Variants in AREL1 observed in about 807,000 individuals in gnomAD.
AREL1 encodes the protein apoptosis resistant E3 ubiquitin protein ligase 1.
Under a neutral mutation model 99.0 loss-of-function variants are expected in AREL1, and 62 were observed. The ratio of observed to expected loss-of-function variants is 0.63; its 90% confidence interval spans 0.51 to 0.77. The LOEUF (loss-of-function observed/expected upper bound fraction) is 0.77, where lower values mean the gene tolerates loss of function less well. AREL1 is among the 30% of genes least tolerant of loss of function. The pLI is 0.00. For missense variants in AREL1, 879 were observed against 1,027.6 expected, an observed-to-expected ratio of 0.86 and a Z score of 1.98; for synonymous variants, 380 against 376.5, an observed-to-expected ratio of 1.01 and a Z score of -0.11.
At chr14:74,703,679 T>C (rs1429170687) in intron 1 of AREL1, among the ~76,000 whole-genome samples, 2 of 152,238 alleles carry the variant, frequency 1.3e-5, no homozygotes, top group African/African-American at 4.8e-5. Context: ...TTCACTCCTT[T>C]TTCCTGCAGA....
chr14:74,700,263 T>G (rs973573958), intron 1 of AREL1, among the ~76,000 whole-genome samples: 1 of 152,230 alleles, frequency 6.6e-6, no homozygotes, highest in Non-Finnish European at 1.5e-5. Context: ...GAAAGCATAC[T>G]TTATCCATAT....
chr14:74,676,395 G>T (rs952537624), intron 6 of AREL1, 74 bp from the exon 7 acceptor site: 4 of 1,526,060 alleles, frequency 2.6e-6, no homozygotes, highest in African/African-American at 2.8e-5. Context: ...TCCTTACAAA[G>T]AGCTTTCCTA....
At position 74,663,887 on chromosome 14, in the gene AREL1, G is replaced by A. The variant is rs769643137; in HGVS notation, c.2369+12C>T. On this transcript the variant is annotated intron_variant, in intron 19 of 19. Coordinates refer to ENST00000356357, the MANE Select transcript of AREL1 (RefSeq NM_001039479.2). Reference sequence around the variant, plus strand: ...AAAACACTGGGCATGCATCAGGCGGGCAGATACCTACCATGTGTGTGCAGT... The same window carrying A: ...AAAACACTGGGCATGCATCAGGCGGACAGATACCTACCATGTGTGTGCAGT... The A allele has an allele frequency of 2.5e-6, 4 of 1,614,196 alleles. No homozygotes were observed. The highest frequency in any genetic ancestry group is 3.4e-6 in the Non-Finnish European group (4 of 1,180,030).
chr14:74,711,332 G>A (rs1594775531), intron 1 of AREL1, among the ~76,000 whole-genome samples: 1 of 151,786 alleles, frequency 6.6e-6, no homozygotes, highest in African/African-American at 2.4e-5. Flanking sequence ...CTGAGGTCAG[G>A]AGTTTGAGAC....
chr14:74,694,116 C>A (rs1205564170), intron 1 of AREL1, among the ~76,000 whole-genome samples: 1 of 152,018 alleles, frequency 6.6e-6, no homozygotes, highest in Non-Finnish European at 1.5e-5. Flanking sequence ...CAGACGTTGA[C>A]GTGAGCCGAG....
intron 1 of AREL1, among the ~76,000 whole-genome samples, chr14:74,711,421 C>CA (rs1289886255): frequency 7.3e-6 from 1 of 137,520 alleles, no homozygotes; most frequent in Non-Finnish European, 1.6e-5. Flanking sequence ...CACATGCCTG[C>CA]AGTCCCAGCT....
chr14:74,700,065 C>T (rs1216617364), intron 1 of AREL1, among the ~76,000 whole-genome samples: 1 of 152,228 alleles, frequency 6.6e-6, no homozygotes, highest in Non-Finnish European at 1.5e-5. Flanking sequence ...GAAGGACTCA[C>T]TGGTTTTCCA....
At chr14:74,711,278 G>A (rs1283744860) in intron 1 of AREL1, among the ~76,000 whole-genome samples, 1 of 148,696 alleles carries the variant, frequency 6.7e-6, no homozygotes, top group African/African-American at 2.5e-5. Flanking sequence ...AGTGGCTCAC[G>A]TCTGTAATCC....
Position 74,663,529 on chromosome 14 carries a change from T to C in AREL1, c.*191A>G, listed in dbSNP as rs2089133208. On this transcript the variant is annotated 3_prime_UTR_variant, in exon 20 of 20. Coordinates refer to ENST00000356357, the MANE Select transcript of AREL1 (RefSeq NM_001039479.2). ...TTACATACCATGCCAAAGTGGCCTG[T>C]GGTAGATATGGGCAGGGAGCAGGTG... 6.4e-6 allele frequency: 4 copies of C among 623,130 alleles called. No individual in the cohort carries two copies. Among genetic ancestry groups the C allele is most frequent in the African/African-American group, 3.6e-5 (2 of 54,890 alleles). The allele number at this position is 623,130 out of a possible 1,614,324, so 38.6% of individuals were successfully genotyped here.
Position 74,675,769 on chromosome 14 carries a change from G to A in AREL1, c.1010C>T (p.Ser337Leu), listed in dbSNP as rs200841641. ...STAVDEEDEDSPSECHTPEKV... is the reference protein window; with the variant it reads ...STAVDEEDEDLPSECHTPEKV... ...CTCAGGGGTGTGGCACTCAGAGGGC[G>A]AGTCTTCATCTTCCTCGTCAACAGC... Residue 337 changes from serine to leucine, a missense_variant, in exon 8 of 20, where the codon TCG becomes TTG. By Grantham distance (145) the Ser-to-Leu change is moderately radical. Transcript: ENST00000356357. 2.9e-5 allele frequency: 47 copies of A among 1,614,132 alleles called. No homozygotes were observed. The highest frequency in any genetic ancestry group is 4.0e-5 in the Non-Finnish European group (47 of 1,180,028).
At chr14:74,664,448 CTTTTTTT>C (rs56728679) in intron 18 of AREL1, among the ~76,000 whole-genome samples, 6 of 76,900 alleles carry the variant, frequency 7.8e-5, no homozygotes, top group African/African-American at 9.8e-5. Context: ...CTTTTCCTTT[CTTTTTTT>C]TTTTTTTTTT....
chr14:74,696,177 G>GT (rs1235832142), intron 1 of AREL1, among the ~76,000 whole-genome samples: 2 of 152,152 alleles, frequency 1.3e-5, no homozygotes, highest in African/African-American at 4.8e-5. Flanking sequence ...AATTCCAGGT[G>GT]TAGAGGTCTT....
chr14:74,704,976 TC>T (rs765608575), intron 1 of AREL1, among the ~76,000 whole-genome samples: 5 of 152,152 alleles, frequency 3.3e-5, no homozygotes, highest in Non-Finnish European at 7.4e-5. Context: ...TAAGTTTTAT[TC>T]CCCTTGTTTC....
intron 2 of AREL1, chr14:74,690,983 T>G (rs979691536): frequency 6.6e-6 from 1 of 151,726 alleles, no homozygotes; most frequent in Non-Finnish European, 1.5e-5. Context: ...TTGCTGAACA[T>G]CTCACATTGG....
intron 8 of AREL1, 75 bp from the exon 9 acceptor site, chr14:74,674,186 T>C (rs984171088): frequency 3.4e-5 from 40 of 1,192,166 alleles, no homozygotes; most frequent in Non-Finnish European, 4.8e-5. Flanking sequence ...AATTCAAATA[T>C]CATAGTCCCT....
intron 2 of AREL1, among the ~76,000 whole-genome samples, chr14:74,690,904 G>A (rs985587718): frequency 2.6e-5 from 4 of 151,858 alleles, no homozygotes; most frequent in Non-Finnish European, 4.4e-5. Flanking sequence ...CTGTCACCAC[G>A]ACAACTTGGT....
At chr14:74,668,754 TTTTAAC>T (rs2089263701) in intron 15 of AREL1, among the ~76,000 whole-genome samples, 1 of 152,214 alleles carries the variant, frequency 6.6e-6, no homozygotes, top group African/African-American at 2.4e-5. Context: ...CCTATTCTGC[TTTTAAC>T]TTTAAATTTA....
intron 5 of AREL1, among the ~76,000 whole-genome samples, chr14:74,678,890 ATTTC>A (rs1435807998): frequency 4.6e-5 from 7 of 152,110 alleles, no homozygotes; most frequent in Non-Finnish European, 7.4e-5. Context: ...GATGCACTGG[ATTTC>A]TTTCTTTCTT....
rs1366293980 is a variant in AREL1, at chr14:74,663,816, G to A, written c.2376C>T (p.Asn792=). 1.2e-6 allele frequency: 2 copies of A among 1,614,204 alleles called. No homozygotes were observed. Among genetic ancestry groups the A allele is most frequent in the East Asian group, 2.2e-5 (1 of 44,884 alleles). ...STLPTAHTCF[N]QLCLPTYDSY... The stretch of plus-strand genomic sequence containing the variant: ...AGTCATATGTAGGGAGGCACAGCTG[G>A]TTAAAACTGGAAGGGCAAGGGAGAA... The change falls in exon 20 of 20, where the codon AAC becomes AAT. Residue 792 remains asparagine (N), a synonymous_variant. Transcript: ENST00000356357.
Sources: allele counts gnomAD v4.1 joint callset (sites outside exome capture counted in the v4.1 genomes callset), GRCh38; gene constraint gnomAD v4.1.1; transcripts MANE v1.5; gene names NCBI Gene and HGNC (gene_info 2026-07-23, HGNC 2026-07-21).